The following SLC35F1 variants were observed in gnomAD, a reference collection of about 807,000 sequenced individuals.
SLC35F1 encodes solute carrier family 35 member F1.
Under a neutral mutation model 48.7 loss-of-function variants are expected in SLC35F1, and 14 were observed. The observed-to-expected ratio is 0.29, with a 90% CI of 0.19 to 0.45. The LOEUF (loss-of-function observed/expected upper bound fraction) is 0.45. Among genes scored for constraint, SLC35F1 ranks in the 20% least tolerant of loss-of-function variants. SLC35F1 has a pLI of 1.00. For missense variants in SLC35F1, 404 were observed against 500.0 expected (o/e 0.81, Z 1.83); for synonymous variants, 190 against 202.2 (o/e 0.94, Z 0.51).
At chr6:118,006,992 G>A (rs1777182214) in intron 1 of SLC35F1, among the ~76,000 whole-genome samples, 1 of 149,784 alleles carries the variant, frequency 6.7e-6, no homozygotes, top group African/African-American at 2.5e-5. Context: ...ATTAATAAAT[G>A]TATTTATTCA....
At chr6:117,926,715 G>A (rs1277742375) in intron 1 of SLC35F1, among the ~76,000 whole-genome samples, 2 of 152,070 alleles carry the variant, frequency 1.3e-5, no homozygotes, top group Non-Finnish European at 2.9e-5. Flanking sequence ...GTAGGTAGGG[G>A]CCAGATCATG....
At chr6:118,219,625 T>C (rs928871453) in intron 2 of SLC35F1, among the ~76,000 whole-genome samples, 5 of 151,980 alleles carry the variant, frequency 3.3e-5, no homozygotes, top group Non-Finnish European at 1.5e-5. Context: ...ATCTAGAACC[T>C]CAAGGATCTA....
chr6:118,124,816 C>G (rs920223875), intron 1 of SLC35F1, among the ~76,000 whole-genome samples: 1 of 152,068 alleles, frequency 6.6e-6, no homozygotes, highest in Non-Finnish European at 1.5e-5. Context: ...TGCTAAAAAC[C>G]TGAACTATAA....
chr6:117,998,489 A>C (rs1430024490), intron 1 of SLC35F1, among the ~76,000 whole-genome samples: 2 of 152,196 alleles, frequency 1.3e-5, no homozygotes, highest in Non-Finnish European at 2.9e-5. Context: ...TCAGCACCAC[A>C]CCACACCTAT....
intron 7 of SLC35F1, among the ~76,000 whole-genome samples, chr6:118,295,223 T>C (rs1225743953): frequency 6.6e-6 from 1 of 152,128 alleles, no homozygotes; most frequent in Non-Finnish European, 1.5e-5. Context: ...GAGGTCATTA[T>C]AATAATATAT....
rs1450911569 is a variant in SLC35F1, at chr6:118,317,083, C to G, written c.*2831C>G. The G allele has an allele frequency of 6.6e-6, 1 of 152,574 alleles. No homozygotes were observed. Among genetic ancestry groups the G allele is most frequent in the Non-Finnish European group, 1.5e-5 (1 of 68,044 alleles). The allele number at this position is 152,574 out of a possible 1,614,324, so 9.5% of individuals were successfully genotyped here. ...CAAAATTTTCAGTTTCTAACTCCAC[C>G]ACCAATCTCTCCTCAATGAATAAGA... On this transcript the variant is annotated 3_prime_UTR_variant, in exon 8 of 8. Coordinates refer to ENST00000360388, the MANE Select transcript of SLC35F1 (RefSeq NM_001029858.4).
intron 1 of SLC35F1, among the ~76,000 whole-genome samples, chr6:118,126,697 G>A (rs1408105045): frequency 2.6e-5 from 4 of 151,272 alleles, no homozygotes; most frequent in East Asian, 1.9e-4. Context: ...GGTCCTTCAC[G>A]TCCCTTGTAA....
intron 3 of SLC35F1, among the ~76,000 whole-genome samples, chr6:118,265,570 G>C (rs1463144505): frequency 1.3e-5 from 2 of 152,180 alleles, no homozygotes; most frequent in East Asian, 3.9e-4. Flanking sequence ...AGAAGGAGGA[G>C]TGTACATAAG....
chr6:117,943,303 T>C (rs888182940), intron 1 of SLC35F1, among the ~76,000 whole-genome samples: 1 of 152,234 alleles, frequency 6.6e-6, no homozygotes, highest in Non-Finnish European at 1.5e-5. Flanking sequence ...GTATATTAAC[T>C]GCTAAGGTCT....
At chr6:118,278,748 G>A (rs1320519240) in intron 6 of SLC35F1, among the ~76,000 whole-genome samples, 1 of 152,220 alleles carries the variant, frequency 6.6e-6, no homozygotes, top group Non-Finnish European at 1.5e-5. Flanking sequence ...TTGTCTTTGT[G>A]ACCCACAACA....
At chr6:117,986,019 A>G (rs1291923883) in intron 1 of SLC35F1, among the ~76,000 whole-genome samples, 1 of 152,186 alleles carries the variant, frequency 6.6e-6, no homozygotes, top group Non-Finnish European at 1.5e-5. Context: ...CTAGGCAGCT[A>G]TGTTTTCATC....
intron 2 of SLC35F1, among the ~76,000 whole-genome samples, chr6:118,219,886 G>A (rs1481322291): frequency 6.6e-6 from 1 of 152,146 alleles, no homozygotes; most frequent in African/African-American, 2.4e-5. Flanking sequence ...GATGGAGCTG[G>A]AAACCATCAT....
At chr6:117,970,059 G>A (rs9387527) in intron 1 of SLC35F1, among the ~76,000 whole-genome samples, 56,439 of 152,044 alleles carry the variant, frequency 0.37, 11,027 homozygotes, top group South Asian at 0.52. Context: ...TAGGAAGTTC[G>A]TACATTTTTA....
chr6:117,934,973 G>A (rs758479226), intron 1 of SLC35F1, among the ~76,000 whole-genome samples: 32 of 152,278 alleles, frequency 2.1e-4, no homozygotes, highest in Middle Eastern at 3.4e-3. Context: ...TGGACATCGT[G>A]GTGAATGCCT....
chr6:118,003,281 A>G (rs1461187358), intron 1 of SLC35F1, among the ~76,000 whole-genome samples: 1 of 152,140 alleles, frequency 6.6e-6, no homozygotes, highest in African/African-American at 2.4e-5. Context: ...GGTTAAGATA[A>G]CTCTTCCAGC....
At chr6:118,274,069 G>A (rs1030288560) in intron 4 of SLC35F1, among the ~76,000 whole-genome samples, 16 of 152,194 alleles carry the variant, frequency 1.1e-4, no homozygotes, top group African/African-American at 3.9e-4. Flanking sequence ...TGAACAGTGA[G>A]AACCCAGGCT....
At chr6:118,297,632 A>G (rs1776203567) in intron 7 of SLC35F1, among the ~76,000 whole-genome samples, 1 of 96,282 alleles carries the variant, frequency 1.0e-5, no homozygotes, top group South Asian at 3.2e-4. Context: ...TTATATATAT[A>G]TATATAAAAA....
In SLC35F1 at chr6:117,923,596, T is replaced by TAC. The variant is rs1491376403; in HGVS notation, c.173+15697_173+15698insAC. On this transcript the variant is annotated intron_variant, in intron 1 of 7. Transcript: ENST00000360388. The stretch of plus-strand genomic sequence containing the variant: ...ACATATGTGTGTGTATATATACATA[T>TAC]GTGTATATATACATATACATATGTA... Among the ~76,000 whole-genome samples the TAC allele has an allele frequency of 3.7e-3, 67 of 17,962 alleles. 9 individuals carry two copies. The highest frequency in any genetic ancestry group is 0.025 in the South Asian group (3 of 122). The allele number at this position is 17,962 out of a possible 152,430, so 11.8% of individuals were successfully genotyped here.
intron 1 of SLC35F1, among the ~76,000 whole-genome samples, chr6:118,042,621 G>A (rs1187374687): frequency 6.6e-6 from 1 of 152,178 alleles, no homozygotes; most frequent in Non-Finnish European, 1.5e-5. Flanking sequence ...AGGTTAGAGG[G>A]AATGTTACCT....
Sources: gnomAD v4.1 joint callset for allele counts (sites outside exome capture counted in the v4.1 genomes callset) on GRCh38, gnomAD v4.1.1 for gene constraint, MANE v1.5 for transcripts, NCBI Gene and HGNC (gene_info 2026-07-23, HGNC 2026-07-21) for gene names.